SRPK2: variants seen among roughly 807,000 people sequenced by gnomAD.
SRPK2 encodes SFRS protein kinase 2.
In SRPK2, 21 loss-of-function variants were observed where a neutral mutation model predicts 90.8. The ratio of observed to expected loss-of-function variants is 0.23; its 90% CI spans 0.16 to 0.33. SRPK2 has a LOEUF of 0.33. SRPK2 is among the 10% of genes least tolerant of loss of function. The probability of loss-of-function intolerance (pLI) is 1.00; values close to 1 mark genes in which losing one functional copy is unlikely to be tolerated. For synonymous variants in SRPK2, 288 were observed against 311.1 expected (o/e 0.93, Z 0.78); for missense variants, 620 against 869.0 (o/e 0.71, Z 3.60).
intron 2 of SRPK2, among the ~76,000 whole-genome samples, chr7:105,263,857 C>T (rs1374865809): frequency 6.6e-6 from 1 of 151,980 alleles, no homozygotes; most frequent in South Asian, 2.1e-4. Context: ...AAAATACTAA[C>T]AAAAATTAAA....
At chr7:105,145,373 T>C in intron 8 of SRPK2, 65 bp from the exon 9 acceptor site, 3 of 1,212,418 alleles carry the variant, frequency 2.5e-6, no homozygotes, top group South Asian at 1.4e-5. Context: ...ATGTAGGTCA[T>C]TCGAATTGCA....
At chr7:105,160,100 CTTCAA>C (rs1347536963) in intron 7 of SRPK2, among the ~76,000 whole-genome samples, 3 of 152,160 alleles carry the variant, frequency 2.0e-5, no homozygotes. Flanking sequence ...GTACACAACT[CTTCAA>C]TTATCTATTA....
At chr7:105,174,185 G>A (rs1050206397) in intron 3 of SRPK2, among the ~76,000 whole-genome samples, 2 of 151,660 alleles carry the variant, frequency 1.3e-5, no homozygotes, top group Non-Finnish European at 2.9e-5. Flanking sequence ...CTACTTCCAT[G>A]CCTCTAGCAC....
At chr7:105,284,795 T>C (rs976758421) in intron 2 of SRPK2, among the ~76,000 whole-genome samples, 2 of 152,214 alleles carry the variant, frequency 1.3e-5, no homozygotes, top group Non-Finnish European at 1.5e-5. Flanking sequence ...TTCAAGACTT[T>C]GGTGCTTTAT....
chr7:105,321,572 A>T (rs1418811630), intron 2 of SRPK2, among the ~76,000 whole-genome samples: 2 of 152,224 alleles, frequency 1.3e-5, no homozygotes, highest in African/African-American at 2.4e-5. Flanking sequence ...CAAATCTGAT[A>T]GGGATCTAGT....
At chr7:105,339,745 C>G (rs947359605) in intron 2 of SRPK2, among the ~76,000 whole-genome samples, 1 of 152,174 alleles carries the variant, frequency 6.6e-6, no homozygotes, top group Non-Finnish European at 1.5e-5. Context: ...GATGCTAATA[C>G]TAGTGCCTTG....
At chr7:105,229,052 T>G (rs1268569134) in intron 2 of SRPK2, among the ~76,000 whole-genome samples, 1 of 152,144 alleles carries the variant, frequency 6.6e-6, no homozygotes, top group Admixed American at 6.5e-5. Context: ...CTAGCTGTTT[T>G]AAAAAGGCTG....
chr7:105,170,320 A>C (rs190183151), intron 3 of SRPK2, among the ~76,000 whole-genome samples: 1 of 152,250 alleles, frequency 6.6e-6, no homozygotes, highest in African/African-American at 2.4e-5. Context: ...TGATGTCTTA[A>C]TTTACCCTCT....
chr7:105,165,624 C>A (rs544917016), intron 6 of SRPK2, among the ~76,000 whole-genome samples: 4 of 152,256 alleles, frequency 2.6e-5, no homozygotes, highest in African/African-American at 9.6e-5. Flanking sequence ...TCTGTAAAAA[C>A]ACACTAATCA....
intron 2 of SRPK2, among the ~76,000 whole-genome samples, chr7:105,385,489 T>C (rs910352704): frequency 1.3e-5 from 2 of 152,152 alleles, no homozygotes; most frequent in African/African-American, 4.8e-5. Context: ...AGCCCTCTTT[T>C]TAAACAGGAA....
At chr7:105,275,067 T>C (rs1204997352) in intron 2 of SRPK2, among the ~76,000 whole-genome samples, 1 of 152,016 alleles carries the variant, frequency 6.6e-6, no homozygotes, top group Non-Finnish European at 1.5e-5. Flanking sequence ...TTTGTATTTT[T>C]AGTAGAGACG....
chr7:105,308,116 T>TA lies in SRPK2; in HGVS notation c.71+80531dup, dbSNP rs568514572. 1.8e-4 allele frequency among the ~76,000 whole-genome samples: 27 copies of TA among 152,338 alleles called. No individual in the cohort carries two copies. The East Asian group carries it at 3.5e-3, about 20-fold the overall frequency. On this transcript the variant is annotated intron_variant, in intron 2 of 15. Transcript: ENST00000393651. ...TACCCCAAAATTAGCAGTTTAGTGT[T>TA]AGAGTTTTTGCTGCTCTACCTGGAG...
chr7:105,251,291 T>C (rs1019313062), intron 2 of SRPK2, among the ~76,000 whole-genome samples: 6 of 152,226 alleles, frequency 3.9e-5, no homozygotes, highest in Admixed American at 3.9e-4. Context: ...AGGGTTCCTC[T>C]AGAGAAGTCT....
At chr7:105,260,983 G>A (rs1282539871) in intron 2 of SRPK2, among the ~76,000 whole-genome samples, 1 of 123,056 alleles carries the variant, frequency 8.1e-6, no homozygotes, top group Non-Finnish European at 1.6e-5. Context: ...GTATACCTAT[G>A]TAACAAACCT....
chr7:105,273,204 G>A (rs1185372137), intron 2 of SRPK2, among the ~76,000 whole-genome samples: 1 of 149,538 alleles, frequency 6.7e-6, no homozygotes, highest in African/African-American at 2.5e-5. Flanking sequence ...GACAGAGAGA[G>A]ACTCCGTCTC....
intron 2 of SRPK2, among the ~76,000 whole-genome samples, chr7:105,279,228 G>A (rs1032261403): frequency 3.3e-5 from 5 of 152,162 alleles, no homozygotes; most frequent in African/African-American, 9.7e-5. Context: ...AGGGAGCGGT[G>A]TTGGCGCAGG....
chr7:105,382,682 TTA>T (rs1286889041), intron 2 of SRPK2, among the ~76,000 whole-genome samples: 1 of 152,068 alleles, frequency 6.6e-6, no homozygotes, highest in Non-Finnish European at 1.5e-5. Flanking sequence ...ATAATTCCAT[TTA>T]TATAACATTC....
At chr7:105,116,283 A>C (rs991113971), downstream of SRPK2, 2 of 152,264 alleles carry the variant, frequency 1.3e-5, no homozygotes, top group East Asian at 1.9e-4. Flanking sequence ...ATCTGCTGCA[A>C]CAGGAATGCT....
intron 2 of SRPK2, among the ~76,000 whole-genome samples, chr7:105,369,295 T>C (rs1365988554): frequency 6.6e-6 from 1 of 151,992 alleles, no homozygotes; most frequent in Non-Finnish European, 1.5e-5. Context: ...TACAGGAGCA[T>C]GCAACCAGGC....
Sources: gnomAD v4.1 joint callset for allele counts (sites outside exome capture counted in the v4.1 genomes callset) on GRCh38, gnomAD v4.1.1 for gene constraint, MANE v1.5 for transcripts, NCBI Gene and HGNC (gene_info 2026-07-23, HGNC 2026-07-21) for gene names.